Variants in CYTH1 observed in about 807,000 individuals in gnomAD.
CYTH1 encodes the protein cytohesin 1.
Under a neutral mutation model 61.8 loss-of-function variants are expected in CYTH1, and 18 were observed. The ratio of observed to expected loss-of-function variants is 0.29; its 90% confidence interval spans 0.20 to 0.43. CYTH1 has a LOEUF of 0.43. CYTH1 is among the 20% of genes least tolerant of loss of function. CYTH1 has a pLI of 1.00. For missense variants in CYTH1, 336 were observed against 510.5 expected (o/e 0.66, Z 3.29); for synonymous variants, 174 against 184.3 (o/e 0.94, Z 0.45).
At chr17:78,718,078 T>C (rs1411126832) in intron 1 of CYTH1, among the ~76,000 whole-genome samples, 6 of 152,138 alleles carry the variant, frequency 3.9e-5, no homozygotes, top group Non-Finnish European at 7.3e-5. Flanking sequence ...GGTAACTACC[T>C]TAGTCAGAGT....
chr17:78,769,601 G>C (rs2093462463), intron 1 of CYTH1, among the ~76,000 whole-genome samples: 1 of 152,136 alleles, frequency 6.6e-6, no homozygotes, highest in South Asian at 2.1e-4. Flanking sequence ...CTCCTTCACA[G>C]CTTGCTGCCA....
chr17:78,691,912 T>A (rs992005059), intron 11 of CYTH1: 1 of 153,598 alleles, frequency 6.5e-6, no homozygotes. Context: ...AAACTCCAGA[T>A]AATCTCAAAT....
At chr17:78,781,458 G>A (rs2093517319) in intron 1 of CYTH1, among the ~76,000 whole-genome samples, 1 of 152,230 alleles carries the variant, frequency 6.6e-6, no homozygotes, top group South Asian at 2.1e-4. Context: ...CGGGACAGCG[G>A]CTCCGCTTGC....
At chr17:78,761,509 C>T (rs570909643) in intron 1 of CYTH1, among the ~76,000 whole-genome samples, 45 of 152,228 alleles carry the variant, frequency 3.0e-4, no homozygotes, top group African/African-American at 1.1e-3. Flanking sequence ...GAGGCCGAGG[C>T]GGGCGGATCA....
At chr17:78,768,416 C>T (rs548562842) in intron 1 of CYTH1, among the ~76,000 whole-genome samples, 1 of 152,274 alleles carries the variant, frequency 6.6e-6, no homozygotes, top group Non-Finnish European at 1.5e-5. Flanking sequence ...TTAAATGGGT[C>T]TCTCAAAGTG....
intron 1 of CYTH1, among the ~76,000 whole-genome samples, chr17:78,745,885 T>C (rs1345958611): frequency 2.6e-5 from 4 of 151,610 alleles, no homozygotes; most frequent in Non-Finnish European, 4.4e-5. Context: ...AGCGAGACTC[T>C]GTCTCAAAAA....
intron 11 of CYTH1, among the ~76,000 whole-genome samples, chr17:78,685,930 G>A (rs534668792): frequency 2.0e-5 from 3 of 152,310 alleles, no homozygotes; most frequent in African/African-American, 7.2e-5. Flanking sequence ...AGAACGACCA[G>A]ACACTTGGCT....
chr17:78,755,351 C>G (rs992997519), intron 1 of CYTH1, among the ~76,000 whole-genome samples: 9 of 152,050 alleles, frequency 5.9e-5, no homozygotes, highest in Admixed American at 2.0e-4. Flanking sequence ...CCAGGCTGGT[C>G]TCGAACTCCT....
chr17:78,713,194 G>A (rs546172811), intron 1 of CYTH1, among the ~76,000 whole-genome samples: 2 of 152,112 alleles, frequency 1.3e-5, no homozygotes, highest in South Asian at 4.1e-4. Flanking sequence ...CTCTACTGAT[G>A]CGTACACCGT....
intron 9 of CYTH1, among the ~76,000 whole-genome samples, chr17:78,697,318 T>A (rs1352941878): frequency 1.9e-5 from 2 of 105,738 alleles, no homozygotes; most frequent in Admixed American, 1.2e-4. Flanking sequence ...AGTACCCTGC[T>A]AGTGTCCAAA....
chr17:78,747,340 G>A (rs1191926685), intron 1 of CYTH1, among the ~76,000 whole-genome samples: 4 of 151,938 alleles, frequency 2.6e-5, no homozygotes, highest in Non-Finnish European at 5.9e-5. Context: ...AGCATTCTCT[G>A]GTATTTAGGA....
chr17:78,747,502 A>AACC (rs1349911221), intron 1 of CYTH1, among the ~76,000 whole-genome samples: 1 of 152,184 alleles, frequency 6.6e-6, no homozygotes, highest in East Asian at 1.9e-4. Context: ...AAAGTTATGC[A>AACC]ACCACCACCA....
rs747660488 is a variant in CYTH1, at chr17:78,676,057, A to G, written c.*34T>C. On this transcript the variant is annotated 3_prime_UTR_variant, in exon 14 of 14. Coordinates refer to ENST00000446868, the MANE Select transcript of CYTH1 (RefSeq NM_004762.6). ...GTGCGGGAGAAGAGCAGGAGCTCCA[A>G]GGCCCCCGCAGACCAACGCCCTTGG... The G allele has an allele frequency of 2.3e-5, 36 of 1,584,420 alleles. No individual in the cohort carries two copies. In the South Asian group the frequency reaches 3.7e-4, roughly 16 times the overall value.
chr17:78,730,577 A>G (rs1474565679), intron 1 of CYTH1, among the ~76,000 whole-genome samples: 1 of 151,674 alleles, frequency 6.6e-6, no homozygotes, highest in Admixed American at 6.6e-5. Flanking sequence ...AAAGAAATTC[A>G]CTGCATCTTT....
In CYTH1 at chr17:78,699,416, C is replaced by A. The variant is rs59855095; in HGVS notation, c.551-448G>T. 4.0e-5 allele frequency among the ~76,000 whole-genome samples: 6 copies of A among 151,414 alleles called. No homozygotes were observed. In the East Asian group the frequency reaches 1.2e-3, roughly 29 times the overall value. On this transcript the variant is annotated intron_variant, in intron 7 of 13. Transcript: ENST00000446868. Reference sequence around the variant, plus strand: ...AAAGAATGAGATGAATCCACATGTACGGGTACACTCCAGGGCACACTGCTG... The same window carrying A: ...AAAGAATGAGATGAATCCACATGTAAGGGTACACTCCAGGGCACACTGCTG...
chr17:78,774,373 T>C (rs1209071598), intron 1 of CYTH1, among the ~76,000 whole-genome samples: 1 of 152,196 alleles, frequency 6.6e-6, no homozygotes, highest in African/African-American at 2.4e-5. Context: ...GTAACTAAGT[T>C]TGAGAATAAT....
intron 3 of CYTH1, among the ~76,000 whole-genome samples, chr17:78,703,558 A>G (rs2034062986): frequency 6.6e-6 from 1 of 152,042 alleles, no homozygotes; most frequent in African/African-American, 2.4e-5. Context: ...CATCTCCCCT[A>G]CAGAATTCCT....
In CYTH1 at chr17:78,680,231, A is replaced by G. The variant is rs756765110; in HGVS notation, c.1077T>C (p.Ala359=). 1.9e-6 allele frequency: 3 copies of G among 1,614,044 alleles called. No homozygotes were observed. The African/African-American group carries it at 4.0e-5, about 22-fold the overall frequency. Residue 359 remains alanine (A), a synonymous_variant, in exon 13 of 14, where the codon GCT becomes GCC. Transcript: ENST00000446868. The part of the protein sequence containing the change: ...EGNHTVYRIS[A]PTPEEKEEWI... ...ACTCCTCCTTCTCCTCGGGCGTCGGAGCTGAGATCCGGTAAACAGTGTGGT... is the reference window on the plus strand; with the variant it reads ...ACTCCTCCTTCTCCTCGGGCGTCGGGGCTGAGATCCGGTAAACAGTGTGGT...
chr17:78,755,921 C>A (rs1466470028), intron 1 of CYTH1, among the ~76,000 whole-genome samples: 18 of 148,972 alleles, frequency 1.2e-4, no homozygotes, highest in Admixed American at 4.0e-4. Flanking sequence ...AAAAAAAAAA[C>A]AAAACAAAAA....
Sources: allele counts gnomAD v4.1 joint callset (sites outside exome capture counted in the v4.1 genomes callset), GRCh38; gene constraint gnomAD v4.1.1; transcripts MANE v1.5; gene names NCBI Gene and HGNC (gene_info 2026-07-23, HGNC 2026-07-21).